CD8B2: variants seen among roughly 807,000 people sequenced by gnomAD.
CD8B2 encodes T-cell surface glycoprotein CD8 beta-2 chain.
A neutral mutation model predicts 23.7 loss-of-function variants in CD8B2; 11 were observed. That is an observed-to-expected ratio of 0.46 (90% CI 0.29 to 0.77). The LOEUF (loss-of-function observed/expected upper bound fraction) is 0.77, where lower values mean the gene tolerates loss of function less well. Ranked by LOEUF, CD8B2 falls within the 30% of genes least tolerant of loss-of-function variation. CD8B2 has a pLI of 0.09. For missense variants in CD8B2, 197 were observed against 270.5 expected (o/e 0.73, Z 1.91); for synonymous variants, 90 against 109.3 (o/e 0.82, Z 1.10).
chr2:106,489,026 G>A (rs949756348), intron 1 of CD8B2, among the ~76,000 whole-genome samples: 100 of 149,280 alleles, frequency 6.7e-4, no homozygotes, highest in Non-Finnish European at 9.5e-4. Flanking sequence ...TTTCCAAGAC[G>A]GAGTCTTGCT....
intron 1 of CD8B2, among the ~76,000 whole-genome samples, chr2:106,489,087 C>T (rs1258962818): frequency 4.3e-5 from 6 of 138,304 alleles, no homozygotes; most frequent in Non-Finnish European, 9.3e-5. Context: ...ACTGCAATCT[C>T]CGCCTCCCGG....
chr2:106,531,033 C>T (rs563485794), intron 5 of CD8B2, among the ~76,000 whole-genome samples: 84 of 152,302 alleles, frequency 5.5e-4, no homozygotes, highest in African/African-American at 2.0e-3. Flanking sequence ...ATGGAGTAAC[C>T]ATTGTTTATT....
chr2:106,536,262 C>T lies in CD8B2; in HGVS notation c.621-7730C>T, dbSNP rs937706314. Among the ~76,000 whole-genome samples the T allele has an allele frequency of 3.3e-5, 5 of 152,068 alleles. No homozygotes were observed. In the East Asian group the frequency reaches 9.6e-4, roughly 29 times the overall value. On this transcript the variant is annotated intron_variant, in intron 5 of 5. Coordinates refer to the CD8B2 transcript ENST00000416057. ...GGTCAGGCTGGTCTCGAACTCCTGACTTCAGGTGATCCGCCTGCCTTGGCC... is the reference window on the plus strand; with the variant it reads ...GGTCAGGCTGGTCTCGAACTCCTGATTTCAGGTGATCCGCCTGCCTTGGCC...
Position 106,507,045 on chromosome 2 carries a change from A to G in CD8B2, c.*105A>G, listed in dbSNP as rs1679522604. The G allele has an allele frequency of 1.3e-6, 2 of 1,499,454 alleles. No homozygotes were observed. The highest frequency in any genetic ancestry group is 2.0e-4 in the Middle Eastern group (1 of 5,120). 92.9% of individuals were successfully genotyped at this position (1,499,454 alleles called of 1,614,324 possible). On this transcript the variant is annotated 3_prime_UTR_variant, in exon 6 of 6. Coordinates refer to ENST00000643224, the MANE Select transcript of CD8B2 (RefSeq NM_001349727.2). ...GACACATTCAACCCTGGAGAGTTCA[A>G]TGGCTGCTGAAGCTGCCTGCTTTTC...
chr2:106,527,339 G>T (rs974118218), intron 5 of CD8B2, among the ~76,000 whole-genome samples: 2 of 152,198 alleles, frequency 1.3e-5, no homozygotes, highest in African/African-American at 2.4e-5. Context: ...ACTGCTGGTC[G>T]CAGGTTCCTG....
Position 106,491,032 on chromosome 2 carries a change from G to A in CD8B2, c.202G>A (p.Glu68Lys), listed in dbSNP as rs1006475391. ...GGCCCCGAGCAGTGATAGTCACCAC[G>A]AGTTCCTGACCCTCTGGGATTCCGC... is the stretch of plus-strand genomic sequence containing the variant. ...RQAPSSDSHH[E>K]FLTLWDSAKG... Residue 68 changes from glutamate (E) to lysine (K), a missense_variant, in exon 2 of 6, where the codon GAG (glutamate) becomes AAG (lysine). Transcript: ENST00000643224. 47 of 1,613,830 alleles carry A rather than the reference G, an allele frequency of 2.9e-5. No individual in the cohort carries two copies. In the East Asian group the frequency reaches 3.6e-4, roughly 12 times the overall value.
At chr2:106,494,477 T>TTTTC (rs1558875371) in intron 2 of CD8B2, among the ~76,000 whole-genome samples, 6 of 151,244 alleles carry the variant, frequency 4.0e-5, no homozygotes, top group Non-Finnish European at 7.4e-5. Context: ...CTTTTCTTTT[T>TTTTC]TTTTTTCTGT....
intron 5 of CD8B2, 79 bp from the exon 6 acceptor site, chr2:106,506,849 T>C: frequency 1.9e-6 from 3 of 1,601,656 alleles, no homozygotes; most frequent in Non-Finnish European, 2.6e-6. Flanking sequence ...CATTCTCACT[T>C]GCCATTTGTC....
chr2:106,491,145 C>A lies in CD8B2; in HGVS notation c.315C>A (p.Ser105Arg). The stretch of plus-strand genomic sequence containing the variant: ...GCCGGTTCATTCTCAATCTCACAAG[C>A]GTGAAGCCGGAGGACAGTGGCATCT... Reference protein sequence around the residue: ...DASRFILNLTSVKPEDSGIYF... With the variant: ...DASRFILNLTRVKPEDSGIYF... The change falls in exon 2 of 6, where the codon AGC (serine) becomes AGA (arginine). Residue 105 changes from serine (S) to arginine (R), a missense_variant. Ser to Arg is a moderately radical substitution (Grantham distance 110, BLOSUM62 -1). Around this residue, in one of 3 missense-constraint regions of CD8B2, gnomAD observed 140 missense variants for 164.2 expected, o/e 0.85. Transcript: ENST00000643224. 3 of 1,613,844 alleles carry A rather than the reference C, an allele frequency of 1.9e-6. No homozygotes were observed. The highest frequency in any genetic ancestry group is 2.5e-6 in the Non-Finnish European group (3 of 1,179,736).
At chr2:106,498,775 T>C (rs1157570257) in intron 3 of CD8B2, among the ~76,000 whole-genome samples, 1 of 152,132 alleles carries the variant, frequency 6.6e-6, no homozygotes, top group African/African-American at 2.4e-5. Context: ...TGAGATGCTA[T>C]TATACACCAG....
chr2:106,534,486 G>C (rs1454156964), intron 5 of CD8B2, among the ~76,000 whole-genome samples: 2 of 152,198 alleles, frequency 1.3e-5, no homozygotes, highest in South Asian at 2.1e-4. Context: ...TGTAACAGAA[G>C]AAGCAAACGG....
intron 5 of CD8B2, among the ~76,000 whole-genome samples, chr2:106,526,620 G>T (rs939150207): frequency 6.6e-6 from 1 of 152,158 alleles, no homozygotes; most frequent in Non-Finnish European, 1.5e-5. Context: ...TTGTCAACTA[G>T]TATACCACTG....
rs540344224 is a variant in CD8B2 at position 106,508,324 on chromosome 2, T to C, written c.*1384T>C. Reference sequence around the variant, plus strand: ...TCAGTTACCTGTGACAACCACAGAATGTAAGAAATGTTACAAAAAAAACAG... The same window carrying C: ...TCAGTTACCTGTGACAACCACAGAACGTAAGAAATGTTACAAAAAAAACAG... On this transcript the variant is annotated 3_prime_UTR_variant, in exon 6 of 6. Coordinates refer to ENST00000643224, the MANE Select transcript of CD8B2 (RefSeq NM_001349727.2). 3.3e-5 allele frequency: 5 copies of C among 152,152 alleles called. No homozygotes were observed. The highest frequency in any genetic ancestry group is 1.2e-4 in the African/African-American group (5 of 41,516). The allele number at this position is 152,152 out of a possible 1,614,324, so 9.4% of individuals were successfully genotyped here. A position where few individuals can be genotyped will look rare whatever the true frequency, so the allele number is the denominator to read the frequency against.
At chr2:106,498,885 G>T (rs990945826) in intron 3 of CD8B2, among the ~76,000 whole-genome samples, 3 of 152,076 alleles carry the variant, frequency 2.0e-5, no homozygotes, top group Non-Finnish European at 4.4e-5. Context: ...GAGGCTTAGG[G>T]CTGTTCCTAA....
chr2:106,500,695 C>T (rs116554156), intron 3 of CD8B2, among the ~76,000 whole-genome samples: 2,313 of 152,206 alleles, frequency 0.015, 33 homozygotes, highest in African/African-American at 0.052. Context: ...TTCCGAACCT[C>T]GAGCCCAAAT....
chr2:106,492,328 CAA>C (rs1679211815), intron 2 of CD8B2, among the ~76,000 whole-genome samples: 1 of 152,100 alleles, frequency 6.6e-6, no homozygotes, highest in African/African-American at 2.4e-5. Flanking sequence ...TTTAAAAAAG[CAA>C]AAAGAAGCAA....
intron 4 of CD8B2, among the ~76,000 whole-genome samples, chr2:106,504,041 C>G (rs897573029): frequency 6.6e-6 from 1 of 152,180 alleles, no homozygotes; most frequent in Non-Finnish European, 1.5e-5. Flanking sequence ...GGCATGTTAT[C>G]CAGTAATTCA....
At chr2:106,489,763 G>A (rs1166040756) in intron 1 of CD8B2, among the ~76,000 whole-genome samples, 1 of 152,196 alleles carries the variant, frequency 6.6e-6, no homozygotes, top group African/African-American at 2.4e-5. Context: ...ACAGTTTGCA[G>A]TGTGCTTTTT....
At chr2:106,523,549 C>T (rs1482138065) in intron 5 of CD8B2, among the ~76,000 whole-genome samples, 1 of 152,130 alleles carries the variant, frequency 6.6e-6, no homozygotes, top group African/African-American at 2.4e-5. Context: ...ATAGGGCCTC[C>T]TGTGTGATGC....
Sources: gnomAD v4.1 joint callset for allele counts (sites outside exome capture counted in the v4.1 genomes callset) on GRCh38, gnomAD v4.1.1 for gene constraint, gnomAD v4.1.1 regional missense constraint, MANE v1.5 for transcripts, NCBI Gene and HGNC (gene_info 2026-07-23, HGNC 2026-07-21) for gene names.